CORO2A: variants seen among roughly 807,000 people sequenced by gnomAD.
CORO2A encodes coronin 2A, also known as coronin-2A.
A neutral mutation model predicts 62.4 loss-of-function variants in CORO2A; 47 were observed. The ratio of observed to expected loss-of-function variants is 0.75; its 90% CI spans 0.60 to 0.96. CORO2A has a LOEUF of 0.96. Ranked by LOEUF, CORO2A falls within the 40% of genes least tolerant of loss-of-function variation. The pLI is 0.00. For synonymous variants in CORO2A, 273 were observed against 268.9 expected (o/e 1.02, Z -0.15); for missense variants, 610 against 684.1 (o/e 0.89, Z 1.21).
intron 1 of CORO2A, among the ~76,000 whole-genome samples, chr9:98,172,050 C>T (rs542028272): frequency 1.3e-5 from 2 of 152,082 alleles, no homozygotes; most frequent in South Asian, 2.1e-4. Context: ...GGAGGGGTTG[C>T]GGAACCCCAT....
chr9:98,177,470 T>TTTG (rs1289760000), intron 1 of CORO2A, among the ~76,000 whole-genome samples: 1 of 137,640 alleles, frequency 7.3e-6, no homozygotes, highest in East Asian at 2.2e-4. Flanking sequence ...TTTTTTTTTT[T>TTTG]TTTTTTTTTT....
At chr9:98,174,115 AC>A (rs1466335421) in intron 1 of CORO2A, among the ~76,000 whole-genome samples, 1 of 56,954 alleles carries the variant, frequency 1.8e-5, no homozygotes, top group Non-Finnish European at 3.6e-5. Flanking sequence ...TCCCCCGCCC[AC>A]CCCCCACCGC....
rs71369555 is a variant in CORO2A, at chr9:98,154,352, T to TATAC, written c.201+3107_201+3108insGTAT. On this transcript the variant is annotated intron_variant, in intron 2 of 11. Coordinates refer to ENST00000375077, the MANE Select transcript of CORO2A (RefSeq NM_052820.4). ...GTGTATATATATATATATATATATA[T>TATAC]ACACAAATACATATATATATATATT... 6.8e-4 allele frequency among the ~76,000 whole-genome samples: 64 copies of TATAC among 93,962 alleles called. 2 individuals carry two copies. In the East Asian group the frequency reaches 6.8e-3, roughly 10 times the overall value. 61.6% of individuals were successfully genotyped at this position (93,962 alleles called of 152,430 possible).
intron 2 of CORO2A, among the ~76,000 whole-genome samples, chr9:98,144,031 C>G (rs1254739013): frequency 1.3e-5 from 2 of 152,054 alleles, no homozygotes; most frequent in Non-Finnish European, 2.9e-5. Context: ...GGCCCCATCT[C>G]TACAAAAATT....
intron 7 of CORO2A, among the ~76,000 whole-genome samples, 177 bp from the exon 8 acceptor site, chr9:98,130,067 G>A (rs1213490344): frequency 1.3e-5 from 2 of 152,050 alleles, no homozygotes; most frequent in African/African-American, 4.8e-5. Context: ...GGTGATGAGG[G>A]GATATTCATT....
At chr9:98,149,582 T>A (rs1827695493) in intron 2 of CORO2A, among the ~76,000 whole-genome samples, 1 of 152,224 alleles carries the variant, frequency 6.6e-6, no homozygotes, top group Non-Finnish European at 1.5e-5. Flanking sequence ...GGGGATCAGG[T>A]GTGCCGCAGG....
chr9:98,157,494 C>CCAG lies in CORO2A; in HGVS notation c.164_166dup (p.Ala55dup). 6.2e-7 allele frequency: 1 copy of CCAG among 1,614,230 alleles called. No individual in the cohort carries two copies. On this transcript the variant is annotated inframe_insertion, in exon 2 of 12. Transcript: ENST00000375077. Reference sequence around the variant, plus strand: ...GGGGATGACGAGGAAGGCCCCTCCACCAGCACACTCAGTCACAACTGCAAT... The same window carrying CCAG: ...GGGGATGACGAGGAAGGCCCCTCCACCAGCAGCACACTCAGTCACAACTGCAAT...
intron 9 of CORO2A, 47 bp from the exon 10 acceptor site, chr9:98,128,307 T>C (rs756784251): frequency 6.7e-7 from 1 of 1,499,088 alleles, no homozygotes; most frequent in Non-Finnish European, 9.3e-7. Flanking sequence ...GGTAGGCTGC[T>C]CAGATGGGAA....
intron 8 of CORO2A, among the ~76,000 whole-genome samples, chr9:98,129,125 T>C (rs1372706744): frequency 6.6e-6 from 1 of 152,178 alleles, no homozygotes; most frequent in East Asian, 1.9e-4. Flanking sequence ...AGTCTCACTT[T>C]GTTGCCCAGG....
chr9:98,147,158 C>T (rs1328027584), intron 2 of CORO2A, among the ~76,000 whole-genome samples: 1 of 151,934 alleles, frequency 6.6e-6, no homozygotes, highest in Non-Finnish European at 1.5e-5. Context: ...ATGTGGACCC[C>T]ATCTGGACTT....
intron 2 of CORO2A, among the ~76,000 whole-genome samples, chr9:98,138,837 AG>A (rs1272014984): frequency 6.6e-6 from 1 of 151,940 alleles, no homozygotes; most frequent in Non-Finnish European, 1.5e-5. Flanking sequence ...TCACGAGGTC[AG>A]GAGATCGAGA....
chr9:98,144,861 C>A (rs1336007554), intron 2 of CORO2A, among the ~76,000 whole-genome samples: 1 of 151,950 alleles, frequency 6.6e-6, no homozygotes, highest in Admixed American at 6.6e-5. Flanking sequence ...AGTCTACTCA[C>A]CCTGCCCAGG....
chr9:98,158,018 T>C (rs1827831085), intron 1 of CORO2A, among the ~76,000 whole-genome samples: 1 of 152,224 alleles, frequency 6.6e-6, no homozygotes, highest in Non-Finnish European at 1.5e-5. Context: ...TCAGCCCGAC[T>C]AAGTAGGTAC....
At chr9:98,155,226 C>T (rs557566317) in intron 2 of CORO2A, among the ~76,000 whole-genome samples, 35 of 151,804 alleles carry the variant, frequency 2.3e-4, no homozygotes, top group Admixed American at 2.6e-4. Flanking sequence ...GTGGATTTTT[C>T]GGTACATTTT....
chr9:98,190,209 A>C (rs1828290603), intron 1 of CORO2A, among the ~76,000 whole-genome samples: 1 of 152,152 alleles, frequency 6.6e-6, no homozygotes, highest in Non-Finnish European at 1.5e-5. Context: ...TACAAATAAC[A>C]GCACTACATA....
chr9:98,156,805 T>C lies in CORO2A; in HGVS notation c.201+655A>G, dbSNP rs117068897. Among the ~76,000 whole-genome samples the C allele has an allele frequency of 1.8e-3, 272 of 152,336 alleles. 4 individuals are homozygous for C. The East Asian group carries it at 0.041, about 23-fold the overall frequency. On this transcript the variant is annotated intron_variant, in intron 2 of 11. Coordinates refer to ENST00000375077, the MANE Select transcript of CORO2A (RefSeq NM_052820.4). ...GGGATCCTGTCCACATTGTGGATGCTTTCCTCTGGAGAGGCTTCATGTCAG... is the reference window on the plus strand; with the variant it reads ...GGGATCCTGTCCACATTGTGGATGCCTTCCTCTGGAGAGGCTTCATGTCAG...
At chr9:98,173,976 C>T (rs180827272) in intron 1 of CORO2A, among the ~76,000 whole-genome samples, 4 of 152,110 alleles carry the variant, frequency 2.6e-5, no homozygotes, top group East Asian at 3.9e-4. Flanking sequence ...ATTAGCCGGG[C>T]GTGGTGGCGC....
chr9:98,178,785 C>T (rs1214602553), intron 1 of CORO2A, among the ~76,000 whole-genome samples: 5 of 152,196 alleles, frequency 3.3e-5, no homozygotes, highest in Non-Finnish European at 7.3e-5. Context: ...GTGCATCTTG[C>T]ATAGATCACT....
Position 98,158,991 on chromosome 9 carries a change from T to A in CORO2A, c.1-1331A>T, listed in dbSNP as rs1227007771. Reference sequence around the variant, plus strand: ...CCCATACCCATAATACCAGGGGGCCTCCTCTTGGCCAGACGGACCCTTCTG... The same window carrying A: ...CCCATACCCATAATACCAGGGGGCCACCTCTTGGCCAGACGGACCCTTCTG... On this transcript the variant is annotated intron_variant, in intron 1 of 11. Coordinates refer to ENST00000375077, the MANE Select transcript of CORO2A (RefSeq NM_052820.4). Among the ~76,000 whole-genome samples the A allele has an allele frequency of 2.0e-5, 3 of 151,944 alleles. No individual in the cohort carries two copies. In the East Asian group the frequency reaches 5.8e-4, roughly 29 times the overall value.
Sources: allele counts gnomAD v4.1 joint callset (sites outside exome capture counted in the v4.1 genomes callset), GRCh38; gene constraint gnomAD v4.1.1; transcripts MANE v1.5; gene names NCBI Gene and HGNC (gene_info 2026-07-23, HGNC 2026-07-21).